The following G6PD variants were observed in gnomAD, a reference collection of about 807,000 sequenced individuals.
The protein encoded by G6PD is glucose-6-phosphate 1-dehydrogenase.
A neutral mutation model predicts 38.2 loss-of-function variants in G6PD; 2 were observed. That is an observed-to-expected ratio of 0.05 (90% CI 0.02 to 0.16). The LOEUF is 0.16. Ranked by LOEUF, G6PD falls within the 10% of genes least tolerant of loss-of-function variation. The pLI is 1.00. For synonymous variants in G6PD, 188 were observed against 196.0 expected (o/e 0.96, Z 0.34); for missense variants, 310 against 471.6 (o/e 0.66, Z 3.17).
chrX:154,534,327 C>T lies in G6PD; in HGVS notation c.644+11G>A. On this transcript the variant is annotated intron_variant, in intron 6 of 12. Transcript: ENST00000393562. ...CCCCACCCTGGTCCCCCGGCCCAGG[C>T]TTGGCCCCACCTCAGCACCATGAGG... is the stretch of plus-strand genomic sequence containing the variant. 8.3e-7 allele frequency: 1 copy of T among 1,211,184 alleles called. No individual in the cohort carries two copies. The highest frequency in any genetic ancestry group is 1.1e-6 in the Non-Finnish European group (1 of 895,080).
chrX:154,534,934 T>C, intron 5 of G6PD: 1 of 439,902 alleles, frequency 2.3e-6, no homozygotes, highest in Non-Finnish European at 4.0e-6. Flanking sequence ...GCGCGGGCCA[T>C]GCTGCATTCG....
intron 8 of G6PD, 54 bp downstream of exon 8, chrX:154,533,522 C>T (rs1466307386): frequency 1.1e-5 from 13 of 1,194,348 alleles, no homozygotes; most frequent in Admixed American, 2.2e-5. Flanking sequence ...AGTGCCTCGT[C>T]ACAGATGGGC....
chrX:154,532,810 G>A lies in G6PD; in HGVS notation c.1052-8C>T. ...GCAGGATGAAGGGCACCCCTACGTG[G>A]CGGAAAGGGCAGCCTCAGCACCAGC... On this transcript the variant is annotated splice_polypyrimidine_tract_variant and splice_region_variant and intron_variant, in intron 9 of 12. Transcript: ENST00000393562. 2.5e-6 allele frequency: 3 copies of A among 1,207,089 alleles called. No individual in the cohort carries two copies. Among genetic ancestry groups the A allele is most frequent in the Non-Finnish European group, 3.4e-6 (3 of 892,652 alleles).
Position 154,542,742 on chromosome X carries a change from C to T in G6PD, c.120+3294G>A, listed in dbSNP as rs782325812. Reference sequence around the variant, plus strand: ...CCCAACTCGGGGCTCCGGGCATTTGCTCTTCCTTCTGTGTTTGTGCTCTCC... The same window carrying T: ...CCCAACTCGGGGCTCCGGGCATTTGTTCTTCCTTCTGTGTTTGTGCTCTCC... On this transcript the variant is annotated intron_variant, in intron 2 of 12. Coordinates refer to ENST00000393562, the MANE Select transcript of G6PD (RefSeq NM_001360016.2). Among the ~76,000 whole-genome samples, 317 of 112,119 alleles carry T rather than the reference C, an allele frequency of 2.8e-3. 3 individuals carry two copies. Among genetic ancestry groups the T allele is most frequent in the Non-Finnish European group, 5.3e-3 (280 of 53,144 alleles).
chrX:154,539,746 G>A (rs189201730), intron 2 of G6PD, among the ~76,000 whole-genome samples: 95 of 109,515 alleles, frequency 8.7e-4, no homozygotes, highest in African/African-American at 3.0e-3. Flanking sequence ...TTTTTGAGAC[G>A]GAGTCTCACT....
In G6PD at chrX:154,546,688, T is replaced by C. The variant is rs1490025358; in HGVS notation, c.-9+101A>G. 15 of 704,128 alleles carry C rather than the reference T, an allele frequency of 2.1e-5. No homozygotes were observed. In the South Asian group the frequency reaches 3.8e-4, roughly 18 times the overall value. 58.0% of individuals were successfully genotyped at this position (704,128 alleles called of 1,213,427 possible). A position where few individuals can be genotyped will look rare whatever the true frequency, so the allele number is the denominator to read the frequency against. On this transcript the variant is annotated intron_variant, in intron 1 of 12. Transcript: ENST00000393562. ...TTGGTTAAGACCCTCTCGATTCTGC[T>C]CGGTTCTCAAGCACAACAAACAGCG...
chrX:154,545,066 T>C (rs1431259322), intron 2 of G6PD, among the ~76,000 whole-genome samples: 1 of 111,932 alleles, frequency 8.9e-6, no homozygotes, highest in Admixed American at 9.5e-5. Context: ...AAGCCCTTGT[T>C]CCACCAGCCC....
intron 2 of G6PD, among the ~76,000 whole-genome samples, chrX:154,544,983 G>A (rs1309355087): frequency 8.9e-6 from 1 of 112,355 alleles, no homozygotes; most frequent in Non-Finnish European, 1.9e-5. Context: ...TGGTCATACA[G>A]TAATGAGCAG....
chrX:154,533,559 T>A lies in G6PD; in HGVS notation c.864+17A>T, dbSNP rs377041776. On this transcript the variant is annotated intron_variant, in intron 8 of 12. Transcript: ENST00000393562. ...TGCGACAGGGCATGCTCCTGGGGACTGGGGTGCACCCCCTACCTTCTCATC... is the reference window on the plus strand; with the variant it reads ...TGCGACAGGGCATGCTCCTGGGGACAGGGGTGCACCCCCTACCTTCTCATC... 1.1e-4 allele frequency: 138 copies of A among 1,209,616 alleles called. 1 individual carries two copies. The highest frequency in any genetic ancestry group is 1.0e-3 in the South Asian group (58 of 56,840).
intron 2 of G6PD, 40 bp from the exon 3 acceptor site, chrX:154,536,218 G>A: frequency 8.5e-7 from 1 of 1,178,625 alleles, no homozygotes; most frequent in Non-Finnish European, 1.2e-6. Flanking sequence ...GAAGTGGCTG[G>A]GGACACGACC....
At position 154,546,029 on chromosome X, in the gene G6PD, T is replaced by G. The variant is rs369904290; in HGVS notation, c.120+7A>C. ...GCTTTTAAGATTGGGGCCTGGGAGA[T>G]ACTCACCGATGCACCCATGATGATG... is the stretch of plus-strand genomic sequence containing the variant. On this transcript the variant is annotated splice_region_variant and intron_variant, in intron 2 of 12. Coordinates refer to ENST00000393562, the MANE Select transcript of G6PD (RefSeq NM_001360016.2). 2,287 of 1,207,809 alleles carry G rather than the reference T, an allele frequency of 1.9e-3. 28 individuals are homozygous for G. The South Asian group carries it at 0.038, about 20-fold the overall frequency.
rs367607992 is a variant in G6PD, at chrX:154,546,068, C to T, written c.88G>A (p.Asp30Asn). The T allele has an allele frequency of 8.3e-7, 1 of 1,211,398 alleles. No homozygotes were observed. Reference protein sequence around the residue: ...LFQGDAFHQSDTHIFIIMGAS... With the variant: ...LFQGDAFHQSNTHIFIIMGAS... The stretch of plus-strand genomic sequence containing the variant: ...CCCATGATGATGAATATGTGTGTAT[C>T]CGACTGATGGAAGGCATCGCCCTGG... Residue 30 changes from aspartate (D) to asparagine (N), a missense_variant, in exon 2 of 13, where the codon GAT (aspartate) becomes AAT (asparagine). Transcript: ENST00000393562.
chrX:154,539,562 A>G, intron 2 of G6PD, among the ~76,000 whole-genome samples: 1 of 110,093 alleles, frequency 9.1e-6, no homozygotes, highest in Admixed American at 9.8e-5. Flanking sequence ...GTCAGAAATG[A>G]CCCTTTGAGG....
In G6PD at chrX:154,546,779, G is replaced by T. The variant is rs935099185; in HGVS notation, c.-9+10C>A. ...TCCTCCGCCTGCGCGGCGCCCGCCCGGCCGGTTACCTGCGCTTCGTCGTCG... is the reference window on the plus strand; with the variant it reads ...TCCTCCGCCTGCGCGGCGCCCGCCCTGCCGGTTACCTGCGCTTCGTCGTCG... On this transcript the variant is annotated intron_variant, in intron 1 of 12. Transcript: ENST00000393562. The T allele has an allele frequency of 1.9e-5, 22 of 1,155,645 alleles. No individual in the cohort carries two copies. Among genetic ancestry groups the T allele is most frequent in the Non-Finnish European group, 2.5e-5 (22 of 868,270 alleles).
intron 1 of G6PD, 157 bp from the exon 2 acceptor site, chrX:154,546,320 G>T: frequency 1.4e-6 from 1 of 706,118 alleles, no homozygotes; most frequent in Non-Finnish European, 2.2e-6. Context: ...AGTGGTTGAT[G>T]GGTTAGAAAC....
chrX:154,545,887 A>G (rs2070694925), intron 2 of G6PD, 149 bp downstream of exon 2: 2 of 653,178 alleles, frequency 3.1e-6, no homozygotes, highest in Non-Finnish European at 4.8e-6. Flanking sequence ...CACCAGGTAG[A>G]GCCGGGATGA....
At position 154,546,769 on chromosome X, in the gene G6PD, GCGCC is replaced by G; in HGVS notation, c.-9+16_-9+19del. ...GACAGTACGCTCCTCCGCCTGCGCG[GCGCC>G]CGCCCGGCCGGTTACCTGCGCTTCG... On this transcript the variant is annotated intron_variant, in intron 1 of 12. Coordinates refer to ENST00000393562, the MANE Select transcript of G6PD (RefSeq NM_001360016.2). 2 of 1,141,571 alleles carry G rather than the reference GCGCC, an allele frequency of 1.8e-6. No homozygotes were observed. The highest frequency in any genetic ancestry group is 1.9e-5 in the South Asian group (1 of 52,069). 94.1% of individuals were successfully genotyped at this position (1,141,571 alleles called of 1,213,427 possible).
At chrX:154,540,551 T>A (rs782643392) in intron 2 of G6PD, among the ~76,000 whole-genome samples, 1 of 103,921 alleles carries the variant, frequency 9.6e-6, no homozygotes, top group Non-Finnish European at 1.9e-5. Flanking sequence ...GGCAGGAGAA[T>A]CACTTGAATC....
At position 154,533,689 on chromosome X, in the gene G6PD, G is replaced by C. The variant is rs782337570; in HGVS notation, c.771-20C>G. 2.5e-6 allele frequency: 3 copies of C among 1,211,400 alleles called. No individual in the cohort carries two copies. The highest frequency in any genetic ancestry group is 3.4e-6 in the Non-Finnish European group (3 of 895,108). On this transcript the variant is annotated intron_variant, in intron 7 of 12. Coordinates refer to ENST00000393562, the MANE Select transcript of G6PD (RefSeq NM_001360016.2). ...ACGTCCCTGGGGACGGAAGAGGCCA[G>C]AGCTCGCCTTAGCTCCCCGCCCTGT...
Sources: gnomAD v4.1 joint callset for allele counts (sites outside exome capture counted in the v4.1 genomes callset) on GRCh38, gnomAD v4.1.1 for gene constraint, MANE v1.5 for transcripts, NCBI Gene and HGNC (gene_info 2026-07-23, HGNC 2026-07-21) for gene names.